The following VTI1A variants were observed in gnomAD, a reference collection of about 807,000 sequenced individuals.
VTI1A encodes vesicle transport through interaction with t-SNAREs 1A, also known as vesicle transport through interaction with t-SNAREs homolog 1A.
Under a neutral mutation model 34.9 loss-of-function variants are expected in VTI1A, and 22 were observed. The ratio of observed to expected loss-of-function variants is 0.63; its 90% CI spans 0.45 to 0.90. The LOEUF (loss-of-function observed/expected upper bound fraction) is 0.90, where lower values mean the gene tolerates loss of function less well. Among genes scored for constraint, VTI1A ranks in the 40% least tolerant of loss-of-function variants. The pLI, the probability that VTI1A is intolerant of heterozygous loss-of-function variation, is 0.00. For missense variants in VTI1A, 268 were observed against 275.6 expected (o/e 0.97, Z 0.20); for synonymous variants, 87 against 97.3 (o/e 0.89, Z 0.62).
intron 5 of VTI1A, among the ~76,000 whole-genome samples, chr10:112,588,638 C>T (rs1159764280): frequency 6.6e-6 from 1 of 152,194 alleles, no homozygotes; most frequent in Non-Finnish European, 1.5e-5. Flanking sequence ...CAGGCTCTTT[C>T]CTGAGTCTTA....
intron 5 of VTI1A, among the ~76,000 whole-genome samples, chr10:112,629,063 C>T (rs1589994390): frequency 6.6e-6 from 1 of 152,200 alleles, no homozygotes; most frequent in Non-Finnish European, 1.5e-5. Context: ...CAGACCCTCT[C>T]CATGTTGTCA....
chr10:112,622,721 A>C (rs1845780229), intron 5 of VTI1A, among the ~76,000 whole-genome samples: 1 of 152,184 alleles, frequency 6.6e-6, no homozygotes, highest in South Asian at 2.1e-4. Flanking sequence ...ACATCTTGAA[A>C]ATTTTTTGTC....
intron 5 of VTI1A, among the ~76,000 whole-genome samples, chr10:112,625,795 G>A (rs1389642614): frequency 2.0e-5 from 3 of 151,992 alleles, no homozygotes; most frequent in Non-Finnish European, 4.4e-5. Context: ...TACAAATTGG[G>A]TACAGCATAT....
chr10:112,507,920 C>T (rs1849486583), intron 3 of VTI1A, among the ~76,000 whole-genome samples: 2 of 152,158 alleles, frequency 1.3e-5, no homozygotes, highest in South Asian at 4.1e-4. Flanking sequence ...ACAGCTGTGG[C>T]TCTCTTCTCT....
In VTI1A at chr10:112,817,864, G is replaced by C; in HGVS notation, c.*2481G>C. 1 of 233,332 alleles carries C rather than the reference G, an allele frequency of 4.3e-6. No homozygotes were observed. Among genetic ancestry groups the C allele is most frequent in the Non-Finnish European group, 8.5e-6 (1 of 117,812 alleles). 14.5% of individuals were successfully genotyped at this position (233,332 alleles called of 1,614,324 possible). A position where few individuals can be genotyped will look rare whatever the true frequency, so the allele number is the denominator to read the frequency against. The stretch of plus-strand genomic sequence containing the variant: ...TGTTTAAGGGAGTGGTTGGGGGGAA[G>C]ATGAAGGCATGGAGGAGGAAGAAGA... On this transcript the variant is annotated 3_prime_UTR_variant, in exon 8 of 8. Transcript: ENST00000393077.
In VTI1A at chr10:112,815,658, C is replaced by A; in HGVS notation, c.*275C>A. The A allele has an allele frequency of 2.2e-6, 1 of 451,360 alleles. No homozygotes were observed. Among genetic ancestry groups the A allele is most frequent in the Non-Finnish European group, 4.1e-6 (1 of 244,712 alleles). The allele number at this position is 451,360 out of a possible 1,614,324, so 28.0% of individuals were successfully genotyped here. On this transcript the variant is annotated 3_prime_UTR_variant, in exon 8 of 8. Transcript: ENST00000393077. Reference sequence around the variant, plus strand: ...CCTTTTTGCTAATGTCATCAACTAGCCAAAATAGCCCCAGTGACACTCCTA... The same window carrying A: ...CCTTTTTGCTAATGTCATCAACTAGACAAAATAGCCCCAGTGACACTCCTA...
At chr10:112,570,583 T>G (rs1335088574) in intron 5 of VTI1A, among the ~76,000 whole-genome samples, 1 of 152,210 alleles carries the variant, frequency 6.6e-6, no homozygotes, top group Admixed American at 6.5e-5. Context: ...GCTATTTTAA[T>G]GAAGGAAAAT....
At chr10:112,762,927 C>T (rs1250580755) in intron 7 of VTI1A, among the ~76,000 whole-genome samples, 1 of 152,042 alleles carries the variant, frequency 6.6e-6, no homozygotes, top group Non-Finnish European at 1.5e-5. Context: ...AAGATCTGGG[C>T]CAATGCTAGT....
intron 7 of VTI1A, among the ~76,000 whole-genome samples, chr10:112,796,584 G>A (rs1852684936): frequency 6.6e-6 from 1 of 152,122 alleles, no homozygotes; most frequent in Admixed American, 6.6e-5. Context: ...TATAAAAGAG[G>A]TTCTGGACAA....
the VTI1A span, among the ~76,000 whole-genome samples, chr10:112,850,536 A>T: frequency 6.6e-6 from 1 of 151,996 alleles, no homozygotes; most frequent in Non-Finnish European, 1.5e-5. Context: ...TGTGGAGGTC[A>T]CTCCTTCCCC....
At chr10:112,555,780 T>G (rs1196617095) in intron 5 of VTI1A, among the ~76,000 whole-genome samples, 1 of 152,100 alleles carries the variant, frequency 6.6e-6, no homozygotes, top group African/African-American at 2.4e-5. Context: ...ATGTCTCTAC[T>G]GTTTCCGCTA....
At chr10:112,719,634 C>T (rs578049361) in intron 7 of VTI1A, among the ~76,000 whole-genome samples, 3 of 152,070 alleles carry the variant, frequency 2.0e-5, no homozygotes, top group South Asian at 2.1e-4. Context: ...GCAACCTCCG[C>T]GTCCCAGGTT....
intron 5 of VTI1A, among the ~76,000 whole-genome samples, chr10:112,603,753 A>G (rs781407362): frequency 6.6e-6 from 1 of 151,976 alleles, no homozygotes; most frequent in Non-Finnish European, 1.5e-5. Context: ...TCCATCATCC[A>G]CCTTAGCAAC....
At chr10:112,759,749 G>A (rs1337717094) in intron 7 of VTI1A, among the ~76,000 whole-genome samples, 1 of 152,042 alleles carries the variant, frequency 6.6e-6, no homozygotes, top group African/African-American at 2.4e-5. Context: ...GCTCCCACCT[G>A]CCCTTCCCCA....
intron 7 of VTI1A, chr10:112,752,287 A>G (rs1851130566): frequency 2.8e-6 from 2 of 709,690 alleles, no homozygotes; most frequent in South Asian, 6.4e-5. Context: ...GGCTCCAGCC[A>G]GGGTCCCCTT....
At chr10:112,610,741 C>A (rs1845268608) in intron 5 of VTI1A, among the ~76,000 whole-genome samples, 1 of 151,926 alleles carries the variant, frequency 6.6e-6, no homozygotes, top group Admixed American at 6.6e-5. Context: ...ATGGTGAAAC[C>A]CCGTCTCTAC....
intron 7 of VTI1A, among the ~76,000 whole-genome samples, chr10:112,738,367 A>G (rs1392564744): frequency 6.6e-6 from 1 of 152,068 alleles, no homozygotes; most frequent in Non-Finnish European, 1.5e-5. Context: ...TCTCCTCTAT[A>G]ACGCATTTGT....
intron 3 of VTI1A, among the ~76,000 whole-genome samples, chr10:112,520,208 CA>C (rs1167502064): frequency 5.9e-5 from 9 of 151,946 alleles, no homozygotes; most frequent in Non-Finnish European, 8.8e-5. Context: ...TACACTATTC[CA>C]GATGCTGACA....
At chr10:112,581,183 C>T (rs2134398297) in intron 5 of VTI1A, among the ~76,000 whole-genome samples, 1 of 152,302 alleles carries the variant, frequency 6.6e-6, no homozygotes, top group Non-Finnish European at 1.5e-5. Flanking sequence ...TATGAATTCA[C>T]TTGGTTCTCT....
Sources: gnomAD v4.1 joint callset for allele counts (sites outside exome capture counted in the v4.1 genomes callset) on GRCh38, gnomAD v4.1.1 for gene constraint, MANE v1.5 for transcripts, NCBI Gene and HGNC (gene_info 2026-07-23, HGNC 2026-07-21) for gene names.